Variants in SLC44A3 observed in about 807,000 individuals in gnomAD.
SLC44A3 encodes choline transporter-like protein 3.
In SLC44A3, 74 loss-of-function variants were observed where a neutral mutation model predicts 75.4. The ratio of observed to expected loss-of-function variants is 0.98; its 90% CI spans 0.81 to 1.19. The LOEUF is 1.19. SLC44A3 is among the 50% of genes most tolerant of loss of function. The probability of loss-of-function intolerance (pLI) is 0.00; values close to 1 mark genes in which losing one functional copy is unlikely to be tolerated. For synonymous variants in SLC44A3, 310 were observed against 296.9 expected (o/e 1.04, Z -0.45); for missense variants, 700 against 778.6 (o/e 0.90, Z 1.20).
chr1:94,829,150 G>T (rs1012495341), intron 5 of SLC44A3, among the ~76,000 whole-genome samples: 1 of 151,996 alleles, frequency 6.6e-6, no homozygotes, highest in Non-Finnish European at 1.5e-5. Flanking sequence ...GGGTGTGGTG[G>T]TGCATGCCTG....
chr1:94,820,590 A>G, intron 1 of SLC44A3, 112 bp downstream of exon 1: 1 of 1,422,496 alleles, frequency 7.0e-7, no homozygotes. Context: ...CGCCTCGGGG[A>G]TCCCGCCCCC....
chr1:94,894,946 T>A lies in SLC44A3; in HGVS notation c.*24T>A. The A allele has an allele frequency of 6.4e-7, 1 of 1,558,482 alleles. No homozygotes were observed. Among genetic ancestry groups the A allele is most frequent in the Non-Finnish European group, 8.8e-7 (1 of 1,139,400 alleles). On this transcript the variant is annotated 3_prime_UTR_variant, in exon 15 of 15. Coordinates refer to ENST00000271227, the MANE Select transcript of SLC44A3 (RefSeq NM_001114106.3). ...AGATACCCATTTAGGTATCTGTACC[T>A]GGAAAACATTTCCTTCTAAGAGCCA...
chr1:94,853,862 A>ATTTTT, intron 9 of SLC44A3, among the ~76,000 whole-genome samples: 1 of 145,668 alleles, frequency 6.9e-6, no homozygotes. Flanking sequence ...CCTCTCTCTG[A>ATTTTT]TTTTTTTTTT....
At chr1:94,841,092 A>G (rs1398548833) in intron 7 of SLC44A3, among the ~76,000 whole-genome samples, 1 of 152,198 alleles carries the variant, frequency 6.6e-6, no homozygotes, top group Non-Finnish European at 1.5e-5. Context: ...ACCCAGGCAC[A>G]TGGTATAACC....
At chr1:94,864,585 C>A (rs1044397146) in intron 10 of SLC44A3, among the ~76,000 whole-genome samples, 158 bp from the exon 11 acceptor site, 1 of 152,126 alleles carries the variant, frequency 6.6e-6, no homozygotes, top group Non-Finnish European at 1.5e-5. Context: ...ATACAAGAAA[C>A]AATTTAACCG....
chr1:94,855,257 A>G (rs1490836206), intron 9 of SLC44A3: 1 of 152,240 alleles, frequency 6.6e-6, no homozygotes, highest in Non-Finnish European at 1.5e-5. Context: ...TGTCTGTCTG[A>G]AGAAATCATC....
intron 2 of SLC44A3, among the ~76,000 whole-genome samples, chr1:94,822,087 T>C (rs1660682608): frequency 6.6e-6 from 1 of 152,170 alleles, no homozygotes; most frequent in Non-Finnish European, 1.5e-5. Context: ...GAGACTGCTG[T>C]TGTATAAATG....
intron 3 of SLC44A3, among the ~76,000 whole-genome samples, chr1:94,827,216 T>C (rs1267811832): frequency 6.6e-6 from 1 of 152,260 alleles, no homozygotes; most frequent in African/African-American, 2.4e-5. Context: ...GTTTAACCAA[T>C]TGCTTCTTTT....
At chr1:94,821,128 GTAAATC>G (rs1660521935) in intron 2 of SLC44A3, 72 bp downstream of exon 2, 10 of 187,734 alleles carry the variant, frequency 5.3e-5, no homozygotes, top group Non-Finnish European at 7.2e-5. Flanking sequence ...TGTCCCAAAT[GTAAATC>G]GTAGTTGGTG....
intron 12 of SLC44A3, among the ~76,000 whole-genome samples, chr1:94,879,333 A>G (rs1253635118): frequency 3.3e-5 from 5 of 151,916 alleles, no homozygotes; most frequent in Admixed American, 6.6e-5. Context: ...GGAGTTTGAA[A>G]CCAGCCTGAC....
At chr1:94,891,075 C>A in intron 12 of SLC44A3, 55 bp from the exon 13 acceptor site, 1 of 1,500,892 alleles carries the variant, frequency 6.7e-7, no homozygotes, top group Non-Finnish European at 9.1e-7. Context: ...TAATATATTG[C>A]CTTAAAAACA....
chr1:94,884,043 A>G (rs202025700), intron 12 of SLC44A3, among the ~76,000 whole-genome samples: 1 of 134,814 alleles, frequency 7.4e-6, no homozygotes, highest in Non-Finnish European at 1.6e-5. Context: ...TGATTTTTTT[A>G]AGATTAACAT....
At chr1:94,890,772 A>G (rs954227159) in intron 12 of SLC44A3, among the ~76,000 whole-genome samples, 1 of 152,182 alleles carries the variant, frequency 6.6e-6, no homozygotes, top group Non-Finnish European at 1.5e-5. Flanking sequence ...GCTTGAGCCC[A>G]GGAGGCAGAG....
At chr1:94,842,929 G>A (rs1663856914) in intron 8 of SLC44A3, among the ~76,000 whole-genome samples, 2 of 152,206 alleles carry the variant, frequency 1.3e-5, no homozygotes, top group South Asian at 2.1e-4. Flanking sequence ...TCCTTTCCAC[G>A]GTGAGGTTTT....
At chr1:94,873,105 A>T (rs1667938936) in intron 12 of SLC44A3, among the ~76,000 whole-genome samples, 1 of 152,230 alleles carries the variant, frequency 6.6e-6, no homozygotes, top group Admixed American at 6.5e-5. Context: ...ATACTGGTCA[A>T]ATGCCAGGCA....
chr1:94,821,056 G>A lies in SLC44A3; in HGVS notation c.135G>A (p.Leu45=). 6.5e-7 allele frequency: 1 copy of A among 1,549,996 alleles called. No homozygotes were observed. The highest frequency in any genetic ancestry group is 1.2e-5 in the South Asian group (1 of 83,982). ...TGTTCTTTCTCTTTTGGACTGGTTT[G>A]GTAAGTGTGGGTGCTTGGTAGGAAA... ...LFLFFLFWTG[L]VFIMGYSVVA... Residue 45 remains leucine (L), a splice_region_variant and synonymous_variant, in exon 2 of 15, where the codon TTG becomes TTA. Transcript: ENST00000271227.
At chr1:94,888,110 G>A (rs1669800266) in intron 12 of SLC44A3, among the ~76,000 whole-genome samples, 1 of 152,120 alleles carries the variant, frequency 6.6e-6, no homozygotes, top group Admixed American at 6.5e-5. Flanking sequence ...AGGAAATTGA[G>A]GTCTTAGAGA....
chr1:94,841,236 AACC>A (rs1265614686), intron 7 of SLC44A3, among the ~76,000 whole-genome samples: 1 of 152,214 alleles, frequency 6.6e-6, no homozygotes, highest in Non-Finnish European at 1.5e-5. Context: ...TAATCTCATG[AACC>A]ACCATCATAT....
chr1:94,844,178 G>A (rs1664083342), intron 8 of SLC44A3, among the ~76,000 whole-genome samples: 2 of 152,274 alleles, frequency 1.3e-5, no homozygotes, highest in South Asian at 4.1e-4. Flanking sequence ...TAAAATGGGA[G>A]CACACAAGAG....
Sources: allele counts gnomAD v4.1 joint callset (sites outside exome capture counted in the v4.1 genomes callset), GRCh38; gene constraint gnomAD v4.1.1; transcripts MANE v1.5; gene names NCBI Gene and HGNC (gene_info 2026-07-23, HGNC 2026-07-21).